Variants in GK5 observed in about 807,000 individuals in gnomAD.
The protein encoded by GK5 is ATP:glycerol 3-phosphotransferase 5.
Under a neutral mutation model 77.3 loss-of-function variants are expected in GK5, and 39 were observed. The observed-to-expected ratio is 0.50, with a 90% CI of 0.39 to 0.66. GK5 has a LOEUF of 0.66. Among genes scored for constraint, GK5 ranks in the 30% least tolerant of loss-of-function variants. The pLI is 0.00. For synonymous variants in GK5, 211 were observed against 208.0 expected (o/e 1.01, Z -0.13); for missense variants, 487 against 633.8 (o/e 0.77, Z 2.49).
chr3:142,163,458 G>A lies in GK5; in HGVS notation c.*2164C>T. ...TCCAGCTAATTTTTGTATTTTTAGT[G>A]GAGACAGGGTTTCACCGTGTTTGAC... On this transcript the variant is annotated 3_prime_UTR_variant, in exon 16 of 16. Transcript: ENST00000392993. 6.6e-6 allele frequency: 1 copy of A among 151,804 alleles called. No homozygotes were observed. Among genetic ancestry groups the A allele is most frequent in the Non-Finnish European group, 1.5e-5 (1 of 67,958 alleles). 9.4% of individuals were successfully genotyped at this position (151,804 alleles called of 1,614,324 possible). A position where few individuals can be genotyped will look rare whatever the true frequency, so the allele number is the denominator to read the frequency against.
intron 4 of GK5, among the ~76,000 whole-genome samples, chr3:142,201,138 G>A (rs185893077): frequency 6.6e-6 from 1 of 152,110 alleles, no homozygotes; most frequent in African/African-American, 2.4e-5. Context: ...TTATCCCAGA[G>A]AAATGAAAAA....
chr3:142,192,015 AT>A, intron 5 of GK5, among the ~76,000 whole-genome samples: 1 of 152,164 alleles, frequency 6.6e-6, no homozygotes, highest in Non-Finnish European at 1.5e-5. Context: ...ACAAACAAAA[AT>A]TTTTTTAATG....
intron 3 of GK5, 134 bp from the exon 4 acceptor site, chr3:142,204,922 AATG>A: frequency 1.7e-6 from 1 of 602,580 alleles, no homozygotes; most frequent in South Asian, 2.1e-5. Flanking sequence ...TGCCTTTCTG[AATG>A]ATTTCTTCTT....
intron 11 of GK5, among the ~76,000 whole-genome samples, chr3:142,179,973 C>T (rs542934536): frequency 3.3e-5 from 5 of 152,352 alleles, no homozygotes; most frequent in Admixed American, 1.3e-4. Flanking sequence ...TCAATAGAAG[C>T]TCCTTTCTGG....
chr3:142,176,017 T>C (rs1270442667), intron 12 of GK5, among the ~76,000 whole-genome samples: 3 of 151,930 alleles, frequency 2.0e-5, no homozygotes, highest in African/African-American at 7.2e-5. Context: ...CAATTATTCA[T>C]CTAACCTTTT....
chr3:142,201,741 T>C (rs1001374984), intron 4 of GK5, among the ~76,000 whole-genome samples: 2 of 152,220 alleles, frequency 1.3e-5, no homozygotes, highest in African/African-American at 4.8e-5. Flanking sequence ...TGTGATGTTA[T>C]ACTATAGTTT....
intron 3 of GK5, among the ~76,000 whole-genome samples, chr3:142,208,977 G>T (rs1447019165): frequency 6.6e-6 from 1 of 152,016 alleles, no homozygotes; most frequent in East Asian, 1.9e-4. Flanking sequence ...GTGAAACCCC[G>T]TCTCTACTAA....
chr3:142,159,849 C>CTTTTTTTTTTT lies in GK5; in HGVS notation c.*5772_*5773insAAAAAAAAAAA, dbSNP rs1399191009. 9.5e-6 allele frequency: 1 copy of CTTTTTTTTTTT among 104,776 alleles called. No homozygotes were observed. The highest frequency in any genetic ancestry group is 4.1e-5 in the African/African-American group (1 of 24,562). The allele number at this position is 104,776 out of a possible 1,614,324, so 6.5% of individuals were successfully genotyped here. ...GGGCTTTCTCTCTCTCTCTCTCTCTCTCTCTTTTTTTTTTTTGAGACAGAG... is the reference window on the plus strand; with the variant it reads ...GGGCTTTCTCTCTCTCTCTCTCTCTCTTTTTTTTTTTTCTCTTTTTTTTTTTTGAGACAGAG... On this transcript the variant is annotated 3_prime_UTR_variant, in exon 16 of 16. Transcript: ENST00000392993.
rs1178820709 is a variant in GK5, at chr3:142,225,361, C to G, written c.95G>C (p.Arg32Pro). Residue 32 changes from arginine to proline, a missense_variant, in exon 1 of 16, where the codon CGC becomes CCC. Physicochemically the swap from Arg to Pro is moderately radical, Grantham distance 103 (BLOSUM62 -2). Coordinates refer to ENST00000392993, the MANE Select transcript of GK5 (RefSeq NM_001039547.3). The stretch of plus-strand genomic sequence containing the variant: ...CGCCGCCCGGTCATAGACGTGGCAG[C>G]GGATCACAGAACTGCCCACATCCAG... ...LGLDVGSSVI[R>P]CHVYDRAARV... The G allele has an allele frequency of 6.3e-7, 1 of 1,579,750 alleles. No individual in the cohort carries two copies. The highest frequency in any genetic ancestry group is 1.2e-5 in the South Asian group (1 of 85,954).
chr3:142,200,742 C>T (rs2064009070), intron 4 of GK5, among the ~76,000 whole-genome samples: 1 of 152,196 alleles, frequency 6.6e-6, no homozygotes, highest in African/African-American at 2.4e-5. Flanking sequence ...AATAACTGCA[C>T]TTTTAGACAA....
rs1345819140 is a variant in GK5, at chr3:142,157,880, A to G, written c.*7742T>C. 3.9e-5 allele frequency: 6 copies of G among 152,016 alleles called. No individual in the cohort carries two copies. Among genetic ancestry groups the G allele is most frequent in the Admixed American group, 3.9e-4 (6 of 15,258 alleles). 9.4% of individuals were successfully genotyped at this position (152,016 alleles called of 1,614,324 possible). A position where few individuals can be genotyped will look rare whatever the true frequency, so the allele number is the denominator to read the frequency against. On this transcript the variant is annotated 3_prime_UTR_variant, in exon 16 of 16. Transcript: ENST00000392993. The stretch of plus-strand genomic sequence containing the variant: ...TCTTGTCTAACCATATTAAGGCCCA[A>G]GTTTACCTAGAGTCACAATTGTAGT...
At chr3:142,223,561 G>A (rs373084428) in intron 1 of GK5, among the ~76,000 whole-genome samples, 6 of 152,356 alleles carry the variant, frequency 3.9e-5, no homozygotes, top group South Asian at 2.1e-4. Context: ...AATGGAGGCC[G>A]GGCACAGTGG....
chr3:142,224,480 G>C (rs1199942823), intron 1 of GK5, among the ~76,000 whole-genome samples: 1 of 152,216 alleles, frequency 6.6e-6, no homozygotes, highest in African/African-American at 2.4e-5. Flanking sequence ...ATTGACAATT[G>C]TGTATAAATC....
rs376078177 is a variant in GK5, at chr3:142,177,259, T to C, written c.1143+223A>G. Among the ~76,000 whole-genome samples, 6 of 152,316 alleles carry C rather than the reference T, an allele frequency of 3.9e-5. No homozygotes were observed. In the East Asian group the frequency reaches 1.2e-3, roughly 29 times the overall value. On this transcript the variant is annotated intron_variant, in intron 12 of 15. Coordinates refer to ENST00000392993, the MANE Select transcript of GK5 (RefSeq NM_001039547.3). Reference sequence around the variant, plus strand: ...TTCTAAGCAGAAGTCAGCTGAATTCTACCAGCACAAGCCAAGCCAGCAGGG... The same window carrying C: ...TTCTAAGCAGAAGTCAGCTGAATTCCACCAGCACAAGCCAAGCCAGCAGGG...
Position 142,173,520 on chromosome 3 carries a change from T to C in GK5, c.1144-1064A>G, listed in dbSNP as rs1245033578. 3.3e-5 allele frequency among the ~76,000 whole-genome samples: 5 copies of C among 151,952 alleles called. No individual in the cohort carries two copies. In the East Asian group the frequency reaches 9.7e-4, roughly 30 times the overall value. ...CAACATGGTGAAACCCCGTCTCTAC[T>C]AAAAATACAAAAAATTAGCCAGACA... On this transcript the variant is annotated intron_variant, in intron 12 of 15. Transcript: ENST00000392993.
chr3:142,209,268 A>C, intron 3 of GK5, among the ~76,000 whole-genome samples: 1 of 152,196 alleles, frequency 6.6e-6, no homozygotes, highest in East Asian at 1.9e-4. Flanking sequence ...GATAAGAAGG[A>C]ATCAGAAGTA....
chr3:142,212,483 C>G (rs1052738082), intron 3 of GK5, among the ~76,000 whole-genome samples: 2 of 152,046 alleles, frequency 1.3e-5, no homozygotes, highest in African/African-American at 4.8e-5. Context: ...CTGCAGTGAG[C>G]TGTAATCATG....
intron 6 of GK5, among the ~76,000 whole-genome samples, chr3:142,187,473 C>T (rs1453739570): frequency 6.6e-6 from 1 of 151,910 alleles, no homozygotes; most frequent in Non-Finnish European, 1.5e-5. Context: ...GACATGGTGG[C>T]ACATACCAAT....
rs950731214 is a variant in GK5 at position 142,163,572 on chromosome 3, A to C, written c.*2050T>G. ...GGCATGAGCCACTGCACACAGCCCAAAGTATTTATCCTTTATTTTGTGGTT... is the reference window on the plus strand; with the variant it reads ...GGCATGAGCCACTGCACACAGCCCACAGTATTTATCCTTTATTTTGTGGTT... On this transcript the variant is annotated 3_prime_UTR_variant, in exon 16 of 16. Transcript: ENST00000392993. The C allele has an allele frequency of 6.6e-6, 1 of 152,160 alleles. No individual in the cohort carries two copies. Among genetic ancestry groups the C allele is most frequent in the African/African-American group, 2.4e-5 (1 of 41,434 alleles). 9.4% of individuals were successfully genotyped at this position (152,160 alleles called of 1,614,324 possible).
Sources: allele counts gnomAD v4.1 joint callset (sites outside exome capture counted in the v4.1 genomes callset), GRCh38; gene constraint gnomAD v4.1.1; transcripts MANE v1.5; gene names NCBI Gene and HGNC (gene_info 2026-07-23, HGNC 2026-07-21).